Variants in HAUS3 observed in about 807,000 individuals in gnomAD.
The protein encoded by HAUS3 is HAUS augmin-like complex subunit 3.
In HAUS3, 36 loss-of-function variants were observed where a neutral mutation model predicts 55.2. That is an observed-to-expected ratio of 0.65 (90% CI 0.50 to 0.86). The LOEUF is 0.86. Ranked by LOEUF, HAUS3 falls within the 40% of genes least tolerant of loss-of-function variation. The pLI, the probability that HAUS3 is intolerant of heterozygous loss-of-function variation, is 0.00. For synonymous variants in HAUS3, 234 were observed against 238.6 expected, an observed-to-expected ratio of 0.98 and a Z score of 0.18; for missense variants, 752 against 671.5, an observed-to-expected ratio of 1.12 and a Z score of -1.33.
chr4:2,238,199 A>G (rs1734835843), intron 4 of HAUS3, among the ~76,000 whole-genome samples: 1 of 152,112 alleles, frequency 6.6e-6, no homozygotes, highest in African/African-American at 2.4e-5. Flanking sequence ...CTGACTACAC[A>G]CAAAAATGAA....
In HAUS3 at chr4:2,229,057, T is replaced by C. The variant is rs759032524; in HGVS notation, c.*2870A>G. On this transcript the variant is annotated 3_prime_UTR_variant, in exon 6 of 6. Coordinates refer to ENST00000443786, the MANE Select transcript of HAUS3 (RefSeq NM_001303143.2). ...TCTTAGTCTTTAGAACAATTAACATTCAAAGTATCAAGAGAAAGAAAGGTT... is the reference window on the plus strand; with the variant it reads ...TCTTAGTCTTTAGAACAATTAACATCCAAAGTATCAAGAGAAAGAAAGGTT... The C allele has an allele frequency of 5.2e-6, 8 of 1,531,616 alleles. No individual in the cohort carries two copies. Among genetic ancestry groups the C allele is most frequent in the Non-Finnish European group, 7.1e-6 (8 of 1,121,574 alleles). The allele number at this position is 1,531,616 out of a possible 1,614,324, so 94.9% of individuals were successfully genotyped here. A position where few individuals can be genotyped will look rare whatever the true frequency, so the allele number is the denominator to read the frequency against.
chr4:2,239,040 C>T lies in HAUS3; in HGVS notation c.913G>A (p.Val305Met). 1.3e-6 allele frequency: 2 copies of T among 1,485,222 alleles called. No individual in the cohort carries two copies. The highest frequency in any genetic ancestry group is 1.4e-5 in the South Asian group (1 of 69,500). 92.0% of individuals were successfully genotyped at this position (1,485,222 alleles called of 1,614,324 possible). A position where few individuals can be genotyped will look rare whatever the true frequency, so the allele number is the denominator to read the frequency against. The change falls in exon 4 of 6, where the codon GTG becomes ATG. Residue 305 changes from valine (V) to methionine (M), a missense_variant. Val to Met is a conservative substitution (Grantham distance 21, BLOSUM62 1). Transcript: ENST00000443786. ...TTAGCATCCAAATTTTCTTTGTCCACAGCCTATACAAAGAAAAGCAATTAC... is the reference window on the plus strand; with the variant it reads ...TTAGCATCCAAATTTTCTTTGTCCATAGCCTATACAAAGAAAAGCAATTAC... ...ESLHSLTSKA[V>M]DKENLDAKIS...
Position 2,241,624 on chromosome 4 carries a change from G to C in HAUS3, c.-252C>G, listed in dbSNP as rs892170757. ...GCGCGGCCACAATTAAGGGTGCTTC[G>C]GGCCGGCCTTCAGCCAGCGCTGAGG... is the stretch of plus-strand genomic sequence containing the variant. On this transcript the variant is annotated 5_prime_UTR_variant, in exon 2 of 6. Coordinates refer to ENST00000443786, the MANE Select transcript of HAUS3 (RefSeq NM_001303143.2). The C allele has an allele frequency of 4.1e-6, 4 of 985,314 alleles. No individual in the cohort carries two copies. The African/African-American group carries it at 7.0e-5, about 17-fold the overall frequency. The allele number at this position is 985,314 out of a possible 1,614,324, so 61.0% of individuals were successfully genotyped here.
rs74398018 is a variant in HAUS3, at chr4:2,234,664, T to A, written c.1578+1564A>T. Among the ~76,000 whole-genome samples the A allele has an allele frequency of 9.9e-3, 1,500 of 152,090 alleles. 27 individuals are homozygous for A. The highest frequency in any genetic ancestry group is 0.034 in the African/African-American group (1,426 of 41,478). ...AGAAAAGAAAACTATATGCCTTACA[T>A]TACTAAGCAAAAGAAAAATGGCAAA... On this transcript the variant is annotated intron_variant, in intron 5 of 5. Transcript: ENST00000443786.
intron 5 of HAUS3, among the ~76,000 whole-genome samples, chr4:2,235,250 T>G (rs957908902): frequency 1.3e-5 from 2 of 152,226 alleles, no homozygotes; most frequent in Non-Finnish European, 2.9e-5. Flanking sequence ...GCAGTGGAAA[T>G]TTTTACACAA....
chr4:2,231,141 G>A lies in HAUS3; in HGVS notation c.*786C>T, dbSNP rs1217453545. ...GAAGTCCTAATACTCTGTGGTACAA[G>A]TAGGGACATTAAAACAGCCTAAAGG... On this transcript the variant is annotated 3_prime_UTR_variant, in exon 6 of 6. Transcript: ENST00000443786. 6.6e-6 allele frequency: 1 copy of A among 152,174 alleles called. No homozygotes were observed. Among genetic ancestry groups the A allele is most frequent in the African/African-American group, 2.4e-5 (1 of 41,440 alleles). The allele number at this position is 152,174 out of a possible 1,614,324, so 9.4% of individuals were successfully genotyped here.
At position 2,231,430 on chromosome 4, in the gene HAUS3, T is replaced by A. The variant is rs1323478810; in HGVS notation, c.*497A>T. ...CTGGCCAACATGGTGAAACCCCTTT[T>A]CTACTAAAATACAAAAAAATTAGCT... On this transcript the variant is annotated 3_prime_UTR_variant, in exon 6 of 6. Transcript: ENST00000443786. 1 of 152,768 alleles carries A rather than the reference T, an allele frequency of 6.5e-6. No individual in the cohort carries two copies. The highest frequency in any genetic ancestry group is 1.5e-5 in the Non-Finnish European group (1 of 68,540). The allele number at this position is 152,768 out of a possible 1,614,324, so 9.5% of individuals were successfully genotyped here. A position where few individuals can be genotyped will look rare whatever the true frequency, so the allele number is the denominator to read the frequency against.
chr4:2,238,836 C>G lies in HAUS3; in HGVS notation c.1117G>C (p.Val373Leu), dbSNP rs1207049211. Reference sequence around the variant, plus strand: ...TTTTGTTTTATTAATTGATTTAAAACTAACTCTTGTCTTGCTGTATAATAA... The same window carrying G: ...TTTTGTTTTATTAATTGATTTAAAAGTAACTCTTGTCTTGCTGTATAATAA... Reference protein sequence around the residue: ...QDYYTARQELVLNQLIKQKAS... With the variant: ...QDYYTARQELLLNQLIKQKAS... The change falls in exon 4 of 6, where the codon GTT (valine) becomes CTT (leucine). Residue 373 changes from valine to leucine, a missense_variant. Val to Leu is a conservative substitution (Grantham distance 32). Transcript: ENST00000443786. 4 of 1,613,212 alleles carry G rather than the reference C, an allele frequency of 2.5e-6. No individual in the cohort carries two copies. The highest frequency in any genetic ancestry group is 1.7e-5 in the Admixed American group (1 of 59,974).
At chr4:2,237,137 T>C (rs1056155625) in intron 4 of HAUS3, among the ~76,000 whole-genome samples, 23 of 152,018 alleles carry the variant, frequency 1.5e-4, no homozygotes, top group African/African-American at 3.6e-4. Context: ...ACATGTCTCA[T>C]AGAATATAAC....
Position 2,232,043 on chromosome 4 carries a change from G to GT in HAUS3, c.1695dup (p.His566ThrfsTer15). ...ACATAGAATTCTCTTTCCATTTGAT[G>GT]TAATTTATTATTTGCCAAAGTTTTT... On this transcript the variant is annotated frameshift_variant, in exon 6 of 6. Transcript: ENST00000443786. LOFTEE classifies it high-confidence loss of function. 1 of 1,534,840 alleles carries GT rather than the reference G, an allele frequency of 6.5e-7. No individual in the cohort carries two copies. The highest frequency in any genetic ancestry group is 9.0e-7 in the Non-Finnish European group (1 of 1,113,320).
chr4:2,233,195 C>T (rs1037594603), intron 5 of HAUS3, among the ~76,000 whole-genome samples: 3 of 152,284 alleles, frequency 2.0e-5, no homozygotes, highest in South Asian at 4.1e-4. Context: ...CTAAGACAAA[C>T]TTGGTAAACT....
Position 2,232,076 on chromosome 4 carries a change from T to C in HAUS3, c.1663A>G (p.Thr555Ala). The part of the protein sequence containing the change: ...LLTDILADVK[T>A]KRKTLANNKL... ...TTATTTGCCAAAGTTTTTCTTTTTG[T>C]CTTCACATCAGCAAGAATATCAGTG... is the stretch of plus-strand genomic sequence containing the variant. Residue 555 changes from threonine to alanine, a missense_variant, in exon 6 of 6, where the codon ACA (threonine) becomes GCA (alanine). Thr to Ala is a moderately conservative substitution (Grantham distance 58, BLOSUM62 0). Transcript: ENST00000443786. 6.2e-7 allele frequency: 1 copy of C among 1,602,164 alleles called. No individual in the cohort carries two copies.
Position 2,232,081 on chromosome 4 carries a change from A to T in HAUS3, c.1658T>A (p.Val553Glu). 1 of 1,603,392 alleles carries T rather than the reference A, an allele frequency of 6.2e-7. No individual in the cohort carries two copies. The highest frequency in any genetic ancestry group is 8.5e-7 in the Non-Finnish European group (1 of 1,174,192). The part of the protein sequence containing the change: ...NHLLTDILAD[V>E]KTKRKTLANN... ...TGCCAAAGTTTTTCTTTTTGTCTTC[A>T]CATCAGCAAGAATATCAGTGAGGAG... Residue 553 changes from valine to glutamate, a missense_variant, in exon 6 of 6, where the codon GTG becomes GAG. By Grantham distance (121) the Val-to-Glu change is moderately radical. Transcript: ENST00000443786.
In HAUS3 at chr4:2,236,426, C is replaced by T. The variant is rs1186151280; in HGVS notation, c.1380G>A (p.Lys460=). 1 of 1,612,666 alleles carries T rather than the reference C, an allele frequency of 6.2e-7. No individual in the cohort carries two copies. The highest frequency in any genetic ancestry group is 8.5e-7 in the Non-Finnish European group (1 of 1,179,080). Residue 460 remains lysine, a synonymous_variant, in exon 5 of 6, where the codon AAG becomes AAA. Transcript: ENST00000443786. The stretch of plus-strand genomic sequence containing the variant: ...CATGAGTTAGAAACAATTCTTTTTT[C>T]TTATTCTCTCCCTCCAAAACTTGGT... The part of the protein sequence containing the change: ...RLYQVLEGEN[K]KKELFLTHGN...
rs747711595 is a variant in HAUS3 at position 2,240,147 on chromosome 4, A to G, written c.800T>C (p.Leu267Pro). The change falls in exon 3 of 6, where the codon CTC becomes CCC. Residue 267 changes from leucine to proline, a missense_variant. Transcript: ENST00000443786. Reference sequence around the variant, plus strand: ...CTGATGTTGAGCACAAATGTATGCGAGCTGCAGTCTAGCCATCTCTAGTCG... The same window carrying G: ...CTGATGTTGAGCACAAATGTATGCGGGCTGCAGTCTAGCCATCTCTAGTCG... ...ERRLEMARLQLAYICAQHQLI... is the reference protein window; with the variant it reads ...ERRLEMARLQPAYICAQHQLI... The G allele has an allele frequency of 3.7e-6, 6 of 1,613,922 alleles. No homozygotes were observed. The South Asian group carries it at 6.6e-5, about 18-fold the overall frequency.
rs950434931 is a variant in HAUS3 at position 2,229,315 on chromosome 4, T to A, written c.*2612A>T. 4.9e-6 allele frequency: 6 copies of A among 1,224,030 alleles called. No individual in the cohort carries two copies. In the African/African-American group the frequency reaches 9.5e-5, roughly 19 times the overall value. The allele number at this position is 1,224,030 out of a possible 1,614,324, so 75.8% of individuals were successfully genotyped here. Reference sequence around the variant, plus strand: ...GACTATAAAACAGGAAATACAATTATTTTCAAAAATTTATATACCAACTTT... The same window carrying A: ...GACTATAAAACAGGAAATACAATTAATTTCAAAAATTTATATACCAACTTT... On this transcript the variant is annotated 3_prime_UTR_variant, in exon 6 of 6. Transcript: ENST00000443786.
intron 5 of HAUS3, among the ~76,000 whole-genome samples, chr4:2,235,746 A>AAT (rs376301794): frequency 2.3e-4 from 35 of 152,058 alleles, no homozygotes; most frequent in African/African-American, 7.0e-4. Context: ...ACAGTCTAGG[A>AAT]ATATATATAT....
At chr4:2,232,244 G>T in intron 5 of HAUS3, 84 bp from the exon 6 acceptor site, 3 of 617,414 alleles carry the variant, frequency 4.9e-6, no homozygotes, top group Non-Finnish European at 8.0e-6. Flanking sequence ...TACATGGAAA[G>T]ACTTTAAAGG....
intron 5 of HAUS3, 73 bp downstream of exon 5, chr4:2,236,155 A>G: frequency 1.2e-6 from 1 of 849,338 alleles, no homozygotes; most frequent in East Asian, 2.6e-5. Context: ...CCTCATGTTA[A>G]CATTTTCTTT....
Sources: allele counts gnomAD v4.1 joint callset (sites outside exome capture counted in the v4.1 genomes callset), GRCh38; gene constraint gnomAD v4.1.1; transcripts MANE v1.5; gene names NCBI Gene and HGNC (gene_info 2026-07-23, HGNC 2026-07-21).